The following FHIT variants were observed in gnomAD, a reference collection of about 807,000 sequenced individuals.
FHIT encodes the protein bis(5'-adenosyl)-triphosphatase.
Under a neutral mutation model 17.9 loss-of-function variants are expected in FHIT, and 19 were observed. The ratio of observed to expected loss-of-function variants is 1.06; its 90% confidence interval spans 0.74 to 1.56. The LOEUF (loss-of-function observed/expected upper bound fraction) is 1.56. FHIT is among the 40% of genes most tolerant of loss of function. The pLI is 0.00. For missense variants in FHIT, 248 were observed against 189.2 expected, an observed-to-expected ratio of 1.31 and a Z score of -1.82; for synonymous variants, 81 against 69.7, an observed-to-expected ratio of 1.16 and a Z score of -0.81.
chr3:60,618,469 G>A (rs949499925), intron 4 of FHIT, among the ~76,000 whole-genome samples: 1 of 152,180 alleles, frequency 6.6e-6, no homozygotes, highest in South Asian at 2.1e-4. Flanking sequence ...AGTGTGTGTT[G>A]TTCCCTCCAT....
intron 3 of FHIT, among the ~76,000 whole-genome samples, chr3:60,834,212 T>A (rs975795092): frequency 3.9e-5 from 6 of 152,234 alleles, no homozygotes; most frequent in African/African-American, 1.4e-4. Flanking sequence ...AGAGTGGCTA[T>A]AACATTTTAC....
chr3:60,732,461 C>T (rs2042049510), intron 4 of FHIT: 3 of 718,384 alleles, frequency 4.2e-6, no homozygotes, highest in Non-Finnish European at 5.3e-6. Flanking sequence ...ACATATAAAC[C>T]CTGTAATAAT....
At chr3:60,533,282 T>G in intron 5 of FHIT, among the ~76,000 whole-genome samples, 1 of 152,176 alleles carries the variant, frequency 6.6e-6, no homozygotes, top group East Asian at 1.9e-4. Flanking sequence ...AAGGTGGGAT[T>G]TCGGCACATC....
chr3:60,543,084 G>C (rs1373431794), intron 4 of FHIT, among the ~76,000 whole-genome samples: 1 of 152,082 alleles, frequency 6.6e-6, no homozygotes, highest in Non-Finnish European at 1.5e-5. Flanking sequence ...TAGAACAAAG[G>C]TCGCACATTT....
intron 5 of FHIT, among the ~76,000 whole-genome samples, chr3:60,239,517 G>T (rs577880754): frequency 5.3e-5 from 8 of 152,244 alleles, no homozygotes; most frequent in African/African-American, 1.4e-4. Flanking sequence ...GTGAACCATG[G>T]TCATAGCACT....
intron 7 of FHIT, among the ~76,000 whole-genome samples, chr3:59,992,565 G>A (rs1269492689): frequency 6.6e-6 from 1 of 152,034 alleles, no homozygotes; most frequent in Non-Finnish European, 1.5e-5. Flanking sequence ...AACAGCTGAT[G>A]ATCAAAACAT....
At chr3:60,254,595 AAC>A (rs1559764790) in intron 5 of FHIT, among the ~76,000 whole-genome samples, 1 of 152,162 alleles carries the variant, frequency 6.6e-6, no homozygotes, top group African/African-American at 2.4e-5. Flanking sequence ...TATTTAATAT[AAC>A]ATACTCAAAT....
chr3:60,088,117 G>T (rs139998998), intron 5 of FHIT, among the ~76,000 whole-genome samples: 1 of 152,318 alleles, frequency 6.6e-6, no homozygotes, highest in African/African-American at 2.4e-5. Context: ...CAGAGAGGAA[G>T]CAAGATGTCA....
At chr3:60,483,805 A>G (rs758624152) in intron 5 of FHIT, among the ~76,000 whole-genome samples, 1 of 152,148 alleles carries the variant, frequency 6.6e-6, no homozygotes, top group Non-Finnish European at 1.5e-5. Flanking sequence ...CCTATTCAAC[A>G]TAGTATTGAA....
intron 1 of FHIT, among the ~76,000 whole-genome samples, chr3:61,214,026 T>C (rs1343123433): frequency 6.6e-6 from 1 of 152,178 alleles, no homozygotes. Flanking sequence ...GGGAAATTTA[T>C]AGCACTAAAT....
chr3:60,364,726 T>C (rs1032470926), intron 5 of FHIT, among the ~76,000 whole-genome samples: 7 of 152,152 alleles, frequency 4.6e-5, no homozygotes, highest in Non-Finnish European at 8.8e-5. Flanking sequence ...CAGAAGAGAA[T>C]AGCATTTGAA....
intron 5 of FHIT, among the ~76,000 whole-genome samples, chr3:60,014,812 A>C (rs1236143072): frequency 1.3e-5 from 2 of 152,312 alleles, no homozygotes; most frequent in East Asian, 3.9e-4. Context: ...ATCATGAACG[A>C]AAGGTTGTCT....
intron 4 of FHIT, among the ~76,000 whole-genome samples, chr3:60,783,401 T>C (rs1365971703): frequency 6.6e-6 from 1 of 152,194 alleles, no homozygotes; most frequent in African/African-American, 2.4e-5. Context: ...AGGCCTTACA[T>C]GCTACAGATG....
chr3:60,234,934 T>C (rs997135757), intron 5 of FHIT, among the ~76,000 whole-genome samples: 1 of 152,156 alleles, frequency 6.6e-6, no homozygotes, highest in Non-Finnish European at 1.5e-5. Flanking sequence ...TGTAGTTAGT[T>C]AATATTTTTA....
At chr3:59,920,388 A>T (rs1412635837) in intron 8 of FHIT, among the ~76,000 whole-genome samples, 1 of 152,204 alleles carries the variant, frequency 6.6e-6, no homozygotes, top group Non-Finnish European at 1.5e-5. Flanking sequence ...ACTTCTCCTG[A>T]GATGATCCTC....
At chr3:60,135,392 G>C (rs558906399) in intron 5 of FHIT, among the ~76,000 whole-genome samples, 35 of 152,156 alleles carry the variant, frequency 2.3e-4, no homozygotes, top group African/African-American at 7.7e-4. Flanking sequence ...AAACAGCTCA[G>C]CCCAGACTCT....
At chr3:60,839,213 A>G (rs1235346032) in intron 3 of FHIT, among the ~76,000 whole-genome samples, 1 of 151,896 alleles carries the variant, frequency 6.6e-6, no homozygotes, top group Non-Finnish European at 1.5e-5. Context: ...CTACTATAAC[A>G]CTCTTTTTAA....
At chr3:60,619,779 A>G (rs1450470341) in intron 4 of FHIT, among the ~76,000 whole-genome samples, 1 of 152,140 alleles carries the variant, frequency 6.6e-6, no homozygotes, top group African/African-American at 2.4e-5. Context: ...TTTATATATA[A>G]TACCAAAGGT....
At chr3:60,011,303 CGTT>C (rs1426402428) in intron 7 of FHIT, 65 bp downstream of exon 7, 19 of 1,438,766 alleles carry the variant, frequency 1.3e-5, no homozygotes, top group African/African-American at 7.0e-5. Flanking sequence ...GCATATGACT[CGTT>C]GTGATTTTTT....
Sources: allele counts gnomAD v4.1 joint callset (sites outside exome capture counted in the v4.1 genomes callset), GRCh38; gene constraint gnomAD v4.1.1; transcripts MANE v1.5; gene names NCBI Gene and HGNC (gene_info 2026-07-23, HGNC 2026-07-21).